Variants in DAB1 observed in about 807,000 individuals in gnomAD.
The protein encoded by DAB1 is disabled homolog 1.
DAB1 carries 15 observed loss-of-function variants against 64.6 expected under a neutral mutation model. The observed-to-expected ratio is 0.23, with a 90% CI of 0.16 to 0.36. The LOEUF (loss-of-function observed/expected upper bound fraction) is 0.36, where lower values mean the gene tolerates loss of function less well. Among genes scored for constraint, DAB1 ranks in the 10% least tolerant of loss-of-function variants. DAB1 has a pLI of 1.00. For synonymous variants in DAB1, 235 were observed against 251.9 expected (o/e 0.93, Z 0.64); for missense variants, 596 against 706.7 (o/e 0.84, Z 1.78).
intron 6 of DAB1, among the ~76,000 whole-genome samples, chr1:57,808,222 C>CAT (rs903371678): frequency 1.1e-4 from 16 of 140,864 alleles, no homozygotes; most frequent in Non-Finnish European, 1.7e-4. Flanking sequence ...CACACACACA[C>CAT]ATACCCCTGA....
rs58167700 is a variant in DAB1, at chr1:57,606,376, C to CTATA, written n.625+43212_625+43215dup. ...CTTCAGTCAGTCATCCATTCTAATC[C>CTATA]TATATATATATATATACACATTATA... is the stretch of plus-strand genomic sequence containing the variant. On this transcript the variant is annotated intron_variant and non_coding_transcript_variant, in intron 7 of 20. Coordinates refer to the DAB1 transcript ENST00000485760. Among the ~76,000 whole-genome samples the CTATA allele has an allele frequency of 2.2e-3, 264 of 117,884 alleles. 3 individuals carry two copies. The highest frequency in any genetic ancestry group is 0.011 in the East Asian group (46 of 4,202). 77.3% of individuals were successfully genotyped at this position (117,884 alleles called of 152,430 possible).
At chr1:58,387,016 T>C (rs973197948) in intron 3 of DAB1, among the ~76,000 whole-genome samples, 6 of 152,094 alleles carry the variant, frequency 3.9e-5, no homozygotes, top group African/African-American at 1.4e-4. Flanking sequence ...GCCAAGATCA[T>C]GCCATTGCAC....
intron 4 of DAB1, among the ~76,000 whole-genome samples, chr1:58,202,165 A>C (rs1274759875): frequency 6.6e-6 from 1 of 152,244 alleles, no homozygotes. Flanking sequence ...AAAAAAAGAC[A>C]ATCTGGAAAT....
At chr1:58,192,660 T>C (rs1273618463) in intron 4 of DAB1, among the ~76,000 whole-genome samples, 1 of 152,048 alleles carries the variant, frequency 6.6e-6, no homozygotes, top group Non-Finnish European at 1.5e-5. Context: ...TATGTATATA[T>C]GTGTGTGTGT....
intron 4 of DAB1, among the ~76,000 whole-genome samples, chr1:58,314,121 A>C (rs1662496312): frequency 6.6e-6 from 1 of 151,976 alleles, no homozygotes; most frequent in Non-Finnish European, 1.5e-5. Context: ...CACTCCATGG[A>C]CCTGACTGAA....
At chr1:58,196,392 G>A (rs1424267772) in intron 4 of DAB1, among the ~76,000 whole-genome samples, 1 of 152,192 alleles carries the variant, frequency 6.6e-6, no homozygotes, top group African/African-American at 2.4e-5. Context: ...AAGCTAAGCA[G>A]CTGCTGAAAT....
At chr1:57,554,742 A>G (rs1644967006) in intron 7 of DAB1, among the ~76,000 whole-genome samples, 1 of 152,180 alleles carries the variant, frequency 6.6e-6, no homozygotes, top group South Asian at 2.1e-4. Flanking sequence ...TTTCAGTCAT[A>G]TGAATTTGGG....
At chr1:57,929,630 G>T (rs1448143288) in intron 5 of DAB1, among the ~76,000 whole-genome samples, 3 of 152,126 alleles carry the variant, frequency 2.0e-5, no homozygotes, top group Admixed American at 6.5e-5. Context: ...GGTTTAGTTA[G>T]CCCATAGTTC....
intron 5 of DAB1, among the ~76,000 whole-genome samples, chr1:58,120,840 C>T (rs933668147): frequency 6.6e-6 from 1 of 152,160 alleles, no homozygotes; most frequent in Non-Finnish European, 1.5e-5. Flanking sequence ...TTTTCAGTTA[C>T]CTTCTTTGGA....
intron 4 of DAB1, among the ~76,000 whole-genome samples, chr1:57,114,115 G>A (rs1032115153): frequency 1.3e-5 from 2 of 152,074 alleles, no homozygotes; most frequent in African/African-American, 4.8e-5. Flanking sequence ...GTAGAACTGG[G>A]GATCACTCAC....
At chr1:57,872,041 G>T (rs544829327) in intron 1 of DAB1, among the ~76,000 whole-genome samples, 1 of 152,226 alleles carries the variant, frequency 6.6e-6, no homozygotes, top group South Asian at 2.1e-4. Flanking sequence ...GTTAACAATT[G>T]TATATATCAT....
chr1:57,790,909 A>ATG (rs931739254), intron 6 of DAB1, among the ~76,000 whole-genome samples: 4 of 152,142 alleles, frequency 2.6e-5, no homozygotes, highest in Non-Finnish European at 2.9e-5. Context: ...GTGTACTCAT[A>ATG]TGTGTGTGTG....
chr1:58,284,255 G>A (rs1661632328), intron 4 of DAB1, among the ~76,000 whole-genome samples: 1 of 152,214 alleles, frequency 6.6e-6, no homozygotes, highest in Non-Finnish European at 1.5e-5. Context: ...TGACACTGGG[G>A]CTTCTTTCCT....
At chr1:57,733,567 C>T (rs1647538885) in intron 6 of DAB1, among the ~76,000 whole-genome samples, 1 of 152,004 alleles carries the variant, frequency 6.6e-6, no homozygotes, top group South Asian at 2.1e-4. Flanking sequence ...TGCATAGGAG[C>T]CAAATTGGGT....
chr1:58,080,019 AAGTT>A (rs1463856332), intron 5 of DAB1: 1 of 152,186 alleles, frequency 6.6e-6, no homozygotes, highest in Non-Finnish European at 1.5e-5. Flanking sequence ...AGGTCCTGGA[AAGTT>A]ACCAGAAAGG....
intron 4 of DAB1, among the ~76,000 whole-genome samples, chr1:58,205,920 T>C (rs775802640): frequency 6.6e-6 from 1 of 152,184 alleles, no homozygotes; most frequent in African/African-American, 2.4e-5. Flanking sequence ...CAAGTTCATA[T>C]CCTTTTCTGA....
At chr1:57,848,226 G>T (rs566162837) in intron 1 of DAB1, among the ~76,000 whole-genome samples, 1 of 152,158 alleles carries the variant, frequency 6.6e-6, no homozygotes. Flanking sequence ...TAGACAAAAG[G>T]TGTAGTCTAT....
At chr1:57,795,893 C>A (rs1650836305) in intron 6 of DAB1, among the ~76,000 whole-genome samples, 1 of 151,052 alleles carries the variant, frequency 6.6e-6, no homozygotes, top group Admixed American at 6.6e-5. Flanking sequence ...AAAAATAACT[C>A]ATGTCCTGCC....
rs552934740 is a variant in DAB1, at chr1:57,112,613, C to T, written c.306+23930G>A. Reference sequence around the variant, plus strand: ...CTCAAGGGGCCAGTCATAACATAGGCTACCCATGAGTAACAATTCCTTTGC... The same window carrying T: ...CTCAAGGGGCCAGTCATAACATAGGTTACCCATGAGTAACAATTCCTTTGC... On this transcript the variant is annotated intron_variant, in intron 4 of 14. Coordinates refer to ENST00000371236, the MANE Select transcript of DAB1 (RefSeq NM_001365792.1). 2.2e-4 allele frequency among the ~76,000 whole-genome samples: 34 copies of T among 152,258 alleles called. 1 individual carries two copies. In the South Asian group the frequency reaches 6.8e-3, roughly 31 times the overall value.
Sources: allele counts gnomAD v4.1 joint callset (sites outside exome capture counted in the v4.1 genomes callset), GRCh38; gene constraint gnomAD v4.1.1; transcripts MANE v1.5; gene names NCBI Gene and HGNC (gene_info 2026-07-23, HGNC 2026-07-21).